PRKG1: variants seen among roughly 807,000 people sequenced by gnomAD.
The protein encoded by PRKG1 is protein kinase cGMP-dependent 1.
PRKG1 carries 35 observed loss-of-function variants against 88.1 expected under a neutral mutation model. The ratio of observed to expected loss-of-function variants is 0.40; its 90% CI spans 0.30 to 0.53. The LOEUF is 0.53. PRKG1 is among the 20% of genes least tolerant of loss of function. The probability of loss-of-function intolerance (pLI) is 0.59; values close to 1 mark genes in which losing one functional copy is unlikely to be tolerated. For synonymous variants in PRKG1, 303 were observed against 292.5 expected (o/e 1.04, Z -0.37); for missense variants, 540 against 839.8 (o/e 0.64, Z 4.41).
At chr10:51,762,133 A>C (rs1838036603) in intron 3 of PRKG1, among the ~76,000 whole-genome samples, 1 of 152,238 alleles carries the variant, frequency 6.6e-6, no homozygotes, top group African/African-American at 2.4e-5. Flanking sequence ...ATTGACCCTC[A>C]GGGATTCAAA....
At chr10:51,113,419 C>G (rs993413494) in intron 1 of PRKG1, among the ~76,000 whole-genome samples, 1 of 152,124 alleles carries the variant, frequency 6.6e-6, no homozygotes, top group Non-Finnish European at 1.5e-5. Context: ...TATTATCCCA[C>G]CAATGAAACC....
chr10:51,324,310 C>A (rs1417251685), intron 2 of PRKG1, among the ~76,000 whole-genome samples: 1 of 152,100 alleles, frequency 6.6e-6, no homozygotes, highest in African/African-American at 2.4e-5. Context: ...AACATGAGAT[C>A]CACCTTTTTA....
intron 3 of PRKG1, among the ~76,000 whole-genome samples, chr10:51,726,019 TAAAC>T (rs1478433157): frequency 1.3e-5 from 2 of 152,100 alleles, no homozygotes; most frequent in African/African-American, 2.4e-5. Flanking sequence ...TAAAAGAAAA[TAAAC>T]AAACAGCTAT....
chr10:51,774,426 C>G (rs1205061148), intron 3 of PRKG1, among the ~76,000 whole-genome samples: 2 of 152,008 alleles, frequency 1.3e-5, no homozygotes, highest in Non-Finnish European at 1.5e-5. Context: ...CAATTAAATT[C>G]TTAGCCTATC....
At chr10:51,176,413 A>G (rs999687900) in intron 2 of PRKG1, among the ~76,000 whole-genome samples, 8 of 152,124 alleles carry the variant, frequency 5.3e-5, no homozygotes, top group Non-Finnish European at 1.2e-4. Flanking sequence ...TAGCATATAT[A>G]AATATGAGCC....
intron 2 of PRKG1, among the ~76,000 whole-genome samples, chr10:51,253,753 C>T (rs1013035692): frequency 5.3e-5 from 8 of 151,888 alleles, no homozygotes; most frequent in African/African-American, 1.9e-4. Context: ...TAGAAGTGCC[C>T]ATCAGGATGG....
rs1840548489 is a variant in PRKG1 at position 51,670,747 on chromosome 10, AATAAAT to A, written c.593-133836_593-133831del. On this transcript the variant is annotated intron_variant, in intron 3 of 17. Transcript: ENST00000373980. ...CGAGACTCCGTCTCAAAAAAAAATA[AATAAAT>A]AAATAAATAAATAAATAAATAAATA... Among the ~76,000 whole-genome samples the A allele has an allele frequency of 2.3e-4, 17 of 72,576 alleles. 1 individual carries two copies. The highest frequency in any genetic ancestry group is 7.7e-4 in the South Asian group (2 of 2,610). The allele number at this position is 72,576 out of a possible 152,430, so 47.6% of individuals were successfully genotyped here.
intron 2 of PRKG1, among the ~76,000 whole-genome samples, chr10:51,347,366 G>C (rs1564456013): frequency 6.6e-6 from 1 of 152,144 alleles, no homozygotes; most frequent in African/African-American, 2.4e-5. Flanking sequence ...GAAGGCATTA[G>C]GTATCAATAG....
chr10:51,388,373 A>G (rs1349337632), intron 2 of PRKG1, among the ~76,000 whole-genome samples: 1 of 152,154 alleles, frequency 6.6e-6, no homozygotes, highest in Non-Finnish European at 1.5e-5. Context: ...AAACCCCCTG[A>G]ATTTAAGTCC....
intron 3 of PRKG1, among the ~76,000 whole-genome samples, chr10:51,797,884 T>C (rs1267625229): frequency 1.3e-5 from 2 of 151,940 alleles, no homozygotes; most frequent in African/African-American, 4.8e-5. Context: ...CTCATATCAG[T>C]GGAATCAGAC....
intron 2 of PRKG1, among the ~76,000 whole-genome samples, chr10:51,384,449 T>C (rs889943362): frequency 6.6e-6 from 1 of 152,174 alleles, no homozygotes; most frequent in African/African-American, 2.4e-5. Flanking sequence ...TGTTCTTCAA[T>C]TGTGGCTTCA....
At chr10:51,055,575 T>C (rs1321586426) in intron 1 of PRKG1, among the ~76,000 whole-genome samples, 1 of 146,952 alleles carries the variant, frequency 6.8e-6, no homozygotes, top group Non-Finnish European at 1.5e-5. Flanking sequence ...CTACTAAAAA[T>C]ACAAAAAAAA....
At chr10:51,726,602 C>T (rs1460904499) in intron 3 of PRKG1, among the ~76,000 whole-genome samples, 1 of 152,174 alleles carries the variant, frequency 6.6e-6, no homozygotes, top group Non-Finnish European at 1.5e-5. Context: ...ACACAATTGC[C>T]ACTGTGATAT....
chr10:51,150,836 G>A (rs1470027326), intron 1 of PRKG1, among the ~76,000 whole-genome samples: 1 of 151,936 alleles, frequency 6.6e-6, no homozygotes, highest in Non-Finnish European at 1.5e-5. Context: ...ATTGTGTTAG[G>A]GCTCATTGTT....
At chr10:51,859,599 C>T (rs1386393503) in intron 4 of PRKG1, among the ~76,000 whole-genome samples, 3 of 152,042 alleles carry the variant, frequency 2.0e-5, no homozygotes, top group Non-Finnish European at 4.4e-5. Context: ...CAAATTAACA[C>T]TCTACCACAG....
chr10:52,258,928 A>C (rs1841368796), intron 10 of PRKG1, among the ~76,000 whole-genome samples: 1 of 152,012 alleles, frequency 6.6e-6, no homozygotes, highest in South Asian at 2.1e-4. Flanking sequence ...TTAAATGAAC[A>C]GATGGGGAAA....
intron 2 of PRKG1, among the ~76,000 whole-genome samples, chr10:51,239,152 T>C (rs967855867): frequency 6.6e-6 from 1 of 152,188 alleles, no homozygotes; most frequent in African/African-American, 2.4e-5. Context: ...AGAAGTTCTG[T>C]TCTTAGCTAA....
At chr10:51,776,392 T>C (rs982216424) in intron 3 of PRKG1, among the ~76,000 whole-genome samples, 1 of 152,134 alleles carries the variant, frequency 6.6e-6, no homozygotes, top group Admixed American at 6.6e-5. Flanking sequence ...GGGATAGTTA[T>C]TAGAATCAGA....
intron 2 of PRKG1, among the ~76,000 whole-genome samples, chr10:51,327,664 A>C (rs910461705): frequency 6.6e-6 from 1 of 152,216 alleles, no homozygotes; most frequent in Non-Finnish European, 1.5e-5. Flanking sequence ...TATGCAATAC[A>C]GCCTATTGCT....
Sources: gnomAD v4.1 joint callset for allele counts (sites outside exome capture counted in the v4.1 genomes callset) on GRCh38, gnomAD v4.1.1 for gene constraint, MANE v1.5 for transcripts, NCBI Gene and HGNC (gene_info 2026-07-23, HGNC 2026-07-21) for gene names.